The following RUFY4 variants were observed in gnomAD, a reference collection of about 807,000 sequenced individuals.
The protein encoded by RUFY4 is RUN and FYVE domain-containing protein 4.
Under a neutral mutation model 69.0 loss-of-function variants are expected in RUFY4, and 73 were observed. The ratio of observed to expected loss-of-function variants is 1.06; its 90% CI spans 0.88 to 1.29. The LOEUF is 1.29. Among genes scored for constraint, RUFY4 ranks in the 50% most tolerant of loss-of-function variants. The pLI is 0.00. For synonymous variants in RUFY4, 287 were observed against 271.8 expected, an observed-to-expected ratio of 1.06 and a Z score of -0.55; for missense variants, 770 against 705.6, an observed-to-expected ratio of 1.09 and a Z score of -1.03.
intron 2 of RUFY4, among the ~76,000 whole-genome samples, chr2:218,052,383 G>A (rs567591629): frequency 6.6e-5 from 10 of 152,162 alleles, no homozygotes; most frequent in South Asian, 2.1e-4. Context: ...CATGCATTCC[G>A]TTGCCCAAGG....
chr2:218,040,108 T>C (rs1251148250), intron 2 of RUFY4, among the ~76,000 whole-genome samples: 2 of 152,086 alleles, frequency 1.3e-5, no homozygotes, highest in Non-Finnish European at 2.9e-5. Context: ...AATAAACAAA[T>C]GGAAATAAAT....
intron 4 of RUFY4, 147 bp downstream of exon 6, chr2:218,073,032 G>A: frequency 1.1e-6 from 1 of 943,452 alleles, no homozygotes; most frequent in South Asian, 1.7e-5. Flanking sequence ...GGGAGAAAGG[G>A]CAGAGGGAGG....
chr2:218,037,081 G>A (rs1298498030), intron 2 of RUFY4, among the ~76,000 whole-genome samples: 1 of 152,202 alleles, frequency 6.6e-6, no homozygotes, highest in Non-Finnish European at 1.5e-5. Flanking sequence ...CACTTTGGGA[G>A]GCTGAGGCGG....
At chr2:218,085,650 T>C (rs1179494237) in intron 9 of RUFY4, among the ~76,000 whole-genome samples, 1 of 152,174 alleles carries the variant, frequency 6.6e-6, no homozygotes, top group Non-Finnish European at 1.5e-5. Flanking sequence ...ATAAAGTCAT[T>C]AGAAAGAGCA....
At chr2:218,066,707 T>C (rs978607349), upstream of RUFY4, among the ~76,000 whole-genome samples, 1 of 152,256 alleles carries the variant, frequency 6.6e-6, no homozygotes, top group African/African-American at 2.4e-5. Context: ...ACTAACTAAT[T>C]TGCATTGCTG....
chr2:218,047,813 A>C (rs1688864555), intron 2 of RUFY4, among the ~76,000 whole-genome samples: 1 of 152,206 alleles, frequency 6.6e-6, no homozygotes, highest in African/African-American at 2.4e-5. Flanking sequence ...TTTAGTGATT[A>C]ATAATTTTAG....
intron 2 of RUFY4, among the ~76,000 whole-genome samples, chr2:218,055,289 G>A (rs570554906): frequency 6.6e-6 from 1 of 152,084 alleles, no homozygotes; most frequent in African/African-American, 2.4e-5. Flanking sequence ...CAGCTACACG[G>A]GAGGCTGAGA....
intron 2 of RUFY4, among the ~76,000 whole-genome samples, chr2:218,057,502 C>T (rs1387009119): frequency 6.6e-6 from 1 of 152,168 alleles, no homozygotes; most frequent in African/African-American, 2.4e-5. Flanking sequence ...CATATACCTA[C>T]CTCATTAATT....
intron 2 of RUFY4, among the ~76,000 whole-genome samples, chr2:218,045,109 T>C (rs192082549): frequency 6.6e-6 from 1 of 152,328 alleles, no homozygotes; most frequent in Admixed American, 6.5e-5. Flanking sequence ...CAGCATCTGT[T>C]GTTTTTTGAC....
chr2:218,039,222 C>G (rs1959024564), intron 2 of RUFY4, among the ~76,000 whole-genome samples: 1 of 152,154 alleles, frequency 6.6e-6, no homozygotes, highest in South Asian at 2.1e-4. Context: ...TTGTAGGCAT[C>G]TGTGGCATGA....
upstream of RUFY4, among the ~76,000 whole-genome samples, chr2:218,066,911 C>G (rs1457914007): frequency 6.6e-6 from 1 of 152,186 alleles, no homozygotes; most frequent in Non-Finnish European, 1.5e-5. Context: ...ATTACTGTTG[C>G]TTTAATGGTA....
intron 9 of RUFY4, among the ~76,000 whole-genome samples, chr2:218,087,620 G>A (rs1689925404): frequency 6.6e-6 from 1 of 152,218 alleles, no homozygotes; most frequent in Non-Finnish European, 1.5e-5. Context: ...CCTGAGTTCA[G>A]GAGTTTGAGA....
intron 5 of RUFY4, 108 bp downstream of exon 7, chr2:218,073,494 G>A (rs1689546471): frequency 1.4e-6 from 2 of 1,417,982 alleles, no homozygotes; most frequent in Non-Finnish European, 1.9e-6. Context: ...ATCTGTCTCT[G>A]CCTCCTTTTG....
intron 2 of RUFY4, among the ~76,000 whole-genome samples, chr2:218,043,799 G>C (rs1688758754): frequency 1.3e-5 from 2 of 152,198 alleles, no homozygotes; most frequent in Non-Finnish European, 2.9e-5. Flanking sequence ...CCAGGAGCCT[G>C]TCTGCCTCCT....
exon 7 of RUFY4, chr2:218,075,657 G>A (rs1451430772): frequency 1.3e-6 from 2 of 1,504,574 alleles, no homozygotes; most frequent in East Asian, 4.6e-5. Context: ...CTCTACCGTG[G>A]AGAATCCACA....
chr2:218,049,103 G>C (rs868032569), intron 2 of RUFY4, among the ~76,000 whole-genome samples: 3 of 152,312 alleles, frequency 2.0e-5, no homozygotes, highest in African/African-American at 7.2e-5. Flanking sequence ...GCACTACTGG[G>C]TCATATGGTT....
chr2:218,060,264 A>G (rs1689150661), intron 3 of RUFY4: 4 of 1,335,160 alleles, frequency 3.0e-6, no homozygotes, highest in Non-Finnish European at 4.1e-6. Flanking sequence ...AAGAAGAGCT[A>G]GTGGACATGA....
chr2:218,073,914 TG>T (rs764206929), intron 6 of RUFY4, 29 bp downstream of exon 8: 1 of 1,610,338 alleles, frequency 6.2e-7, no homozygotes. Context: ...CACTCTGAGT[TG>T]CCTCTTCCCC....
chr2:218,044,385 A>G lies in RUFY4; in HGVS notation c.-1158+8991A>G, dbSNP rs1332063684. ...ATCCAAGGTGCTTTATTGTCTTTGT[A>G]TCAGTCAATCTTAGTTAGCTGTAAT... On this transcript the variant is annotated intron_variant and NMD_transcript_variant, in intron 2 of 13. Coordinates refer to the RUFY4 transcript ENST00000457754. Among the ~76,000 whole-genome samples the G allele has an allele frequency of 6.6e-5, 10 of 152,366 alleles. No individual in the cohort carries two copies. In the South Asian group the frequency reaches 1.0e-3, roughly 16 times the overall value.
Sources: gnomAD v4.1 joint callset for allele counts (sites outside exome capture counted in the v4.1 genomes callset) on GRCh38, gnomAD v4.1.1 for gene constraint, MANE v1.5 for transcripts, NCBI Gene and HGNC (gene_info 2026-07-23, HGNC 2026-07-21) for gene names.